The following EPB41L5 variants were observed in gnomAD, a reference collection of about 807,000 sequenced individuals.
EPB41L5 encodes erythrocyte membrane protein band 4.1 like 5, also known as band 4.1-like protein 5.
In EPB41L5, 55 loss-of-function variants were observed where a neutral mutation model predicts 106.6. That is an observed-to-expected ratio of 0.52 (90% confidence interval 0.42 to 0.65). The LOEUF is 0.65. Ranked by LOEUF, EPB41L5 falls within the 30% of genes least tolerant of loss-of-function variation. The pLI is 0.00. For synonymous variants in EPB41L5, 297 were observed against 306.7 expected, an observed-to-expected ratio of 0.97 and a Z score of 0.33; for missense variants, 871 against 882.1, an observed-to-expected ratio of 0.99 and a Z score of 0.16.
rs866792669 is a variant in EPB41L5 at position 120,110,871 on chromosome 2, A to G, written c.1337+10057A>G. Among the ~76,000 whole-genome samples the G allele has an allele frequency of 4.6e-5, 7 of 152,054 alleles. No homozygotes were observed. The East Asian group carries it at 1.2e-3, about 25-fold the overall frequency. ...GGCTGGTCTCAAACCCCTGGCCTCA[A>G]ATGATCCTGATCTGCCCGCCTTGGC... On this transcript the variant is annotated intron_variant, in intron 16 of 24. Transcript: ENST00000263713.
chr2:120,090,409 A>G lies in EPB41L5; in HGVS notation c.936A>G (p.Leu312=). 6.2e-7 allele frequency: 1 copy of G among 1,613,686 alleles called. No individual in the cohort carries two copies. The highest frequency in any genetic ancestry group is 8.5e-7 in the Non-Finnish European group (1 of 1,179,786). The change falls in exon 12 of 25, where the codon TTA becomes TTG. Residue 312 remains leucine (L), a synonymous_variant. Coordinates refer to ENST00000263713, the MANE Select transcript of EPB41L5 (RefSeq NM_020909.4). ...ATCATCCAAAAGCATGCAAACATTT[A>G]TGGAAATGTGCTGTGGAGCATCATG... ...RLDHPKACKH[L]WKCAVEHHAF... is the part of the protein sequence containing the mutation.
intron 16 of EPB41L5, chr2:120,106,800 T>C: frequency 1.0e-6 from 1 of 985,376 alleles, no homozygotes; most frequent in South Asian, 4.7e-5. Context: ...TTTGTTGCGT[T>C]TCAAAGGCGT....
At chr2:120,024,127 A>G (rs1276533654) in intron 2 of EPB41L5, among the ~76,000 whole-genome samples, 5 of 152,158 alleles carry the variant, frequency 3.3e-5, no homozygotes, top group Non-Finnish European at 5.9e-5. Context: ...CTGCAAACAG[A>G]GGCAATTTGA....
chr2:120,074,276 T>A, intron 5 of EPB41L5, 98 bp downstream of exon 5: 1 of 862,824 alleles, frequency 1.2e-6, no homozygotes, highest in Non-Finnish European at 1.8e-6. Flanking sequence ...ATAAAATGGA[T>A]TCCTGTCCCC....
At chr2:120,142,463 C>G (rs1193179074) in intron 18 of EPB41L5, among the ~76,000 whole-genome samples, 2 of 152,142 alleles carry the variant, frequency 1.3e-5, no homozygotes, top group Non-Finnish European at 2.9e-5. Context: ...CAACTGCATT[C>G]AGCGAGGACA....
intron 17 of EPB41L5, among the ~76,000 whole-genome samples, chr2:120,130,709 G>A (rs1280912912): frequency 6.6e-6 from 1 of 152,176 alleles, no homozygotes; most frequent in Admixed American, 6.5e-5. Flanking sequence ...AAAAGATTTT[G>A]TTATAATTAT....
chr2:120,169,042 A>T (rs1454993153), intron 24 of EPB41L5, among the ~76,000 whole-genome samples: 4 of 152,314 alleles, frequency 2.6e-5, no homozygotes, highest in Admixed American at 1.3e-4. Context: ...GCTCTTAAGG[A>T]CTTTCACATT....
intron 3 of EPB41L5, among the ~76,000 whole-genome samples, chr2:120,048,158 A>T (rs1447642132): frequency 6.6e-6 from 1 of 152,186 alleles, no homozygotes; most frequent in East Asian, 1.9e-4. Flanking sequence ...TGGTATCAGG[A>T]TGATGCTGGC....
intron 3 of EPB41L5, among the ~76,000 whole-genome samples, chr2:120,065,684 T>G (rs1441607723): frequency 6.6e-6 from 1 of 151,876 alleles, no homozygotes; most frequent in Non-Finnish European, 1.5e-5. Flanking sequence ...GCCCAGCTAA[T>G]TTTTGTATTT....
At position 120,075,494 on chromosome 2, in the gene EPB41L5, G is replaced by A; in HGVS notation, c.426G>A (p.Gln142=). 1 of 1,578,226 alleles carries A rather than the reference G, an allele frequency of 6.3e-7. No individual in the cohort carries two copies. ...TTCTTAGGTATTTATTTGTTCTTCA[G>A]TTAAAACAAGATATTCTCAGTGGAA... ...EELTRYLFVL[Q]LKQDILSGKL... The change falls in exon 6 of 25, where the codon CAG becomes CAA. Residue 142 remains glutamine (Q), a synonymous_variant. Coordinates refer to ENST00000263713, the MANE Select transcript of EPB41L5 (RefSeq NM_020909.4).
At position 120,177,980 on chromosome 2, in the gene EPB41L5, C is replaced by T. The variant is rs1049650358; in HGVS notation, c.*3073C>T. On this transcript the variant is annotated 3_prime_UTR_variant, in exon 25 of 25. Coordinates refer to ENST00000263713, the MANE Select transcript of EPB41L5 (RefSeq NM_020909.4). ...AAGTCTTGTTAGCAGAATTATTTATCAGTCACAGAGAGAAAAATCTGCTAT... is the reference window on the plus strand; with the variant it reads ...AAGTCTTGTTAGCAGAATTATTTATTAGTCACAGAGAGAAAAATCTGCTAT... 2 of 152,408 alleles carry T rather than the reference C, an allele frequency of 1.3e-5. No homozygotes were observed. Among genetic ancestry groups the T allele is most frequent in the African/African-American group, 4.8e-5 (2 of 41,450 alleles). The allele number at this position is 152,408 out of a possible 1,614,324, so 9.4% of individuals were successfully genotyped here.
intron 3 of EPB41L5, among the ~76,000 whole-genome samples, chr2:120,048,279 C>A (rs187834331): frequency 2.0e-5 from 3 of 152,064 alleles, no homozygotes; most frequent in Non-Finnish European, 4.4e-5. Context: ...GCTGTGAATC[C>A]GTCTGGTCCT....
At chr2:120,166,174 G>T (rs1687397558) in intron 22 of EPB41L5, among the ~76,000 whole-genome samples, 1 of 151,948 alleles carries the variant, frequency 6.6e-6, no homozygotes, top group Non-Finnish European at 1.5e-5. Flanking sequence ...AGATTGCTGG[G>T]CCCCACCTCC....
At position 120,048,641 on chromosome 2, in the gene EPB41L5, CTT is replaced by C. The variant is rs542087463; in HGVS notation, c.285+6533_285+6534del. On this transcript the variant is annotated intron_variant, in intron 3 of 24. Coordinates refer to ENST00000263713, the MANE Select transcript of EPB41L5 (RefSeq NM_020909.4). ...GATTTTTTTGAAGGGTTTTTTGTGT[CTT>C]TATCTCCTTCAGTTCTGCTCTGATC... Among the ~76,000 whole-genome samples the C allele has an allele frequency of 4.7e-4, 71 of 151,424 alleles. 1 individual carries two copies. In the East Asian group the frequency reaches 0.014, roughly 29 times the overall value.
At chr2:120,061,653 A>G (rs190400026) in intron 3 of EPB41L5, among the ~76,000 whole-genome samples, 1,622 of 152,258 alleles carry the variant, frequency 0.011, 13 homozygotes, top group Middle Eastern at 0.027. Context: ...CACCCGGCCT[A>G]TTCAGTGAAG....
intron 14 of EPB41L5, among the ~76,000 whole-genome samples, chr2:120,097,625 A>G (rs907914629): frequency 2.0e-5 from 3 of 152,230 alleles, no homozygotes; most frequent in Non-Finnish European, 4.4e-5. Flanking sequence ...TACAGGCTTA[A>G]TATGCAGTCT....
intron 20 of EPB41L5, among the ~76,000 whole-genome samples, chr2:120,153,986 T>C (rs1003689966): frequency 1.3e-5 from 2 of 152,212 alleles, no homozygotes; most frequent in African/African-American, 2.4e-5. Flanking sequence ...TCCACTTACA[T>C]CTAAAGTGAT....
At chr2:120,154,147 A>G (rs2105520117) in intron 20 of EPB41L5, among the ~76,000 whole-genome samples, 1 of 139,580 alleles carries the variant, frequency 7.2e-6, no homozygotes, top group South Asian at 2.2e-4. Context: ...TTCCTTCCCT[A>G]TATGTATTTA....
chr2:120,151,278 C>T (rs11123545), intron 20 of EPB41L5, among the ~76,000 whole-genome samples: 96,549 of 151,670 alleles, frequency 0.64, 32,064 homozygotes, highest in Middle Eastern at 0.74. Flanking sequence ...CCAGCCTGGG[C>T]GACGGAGCGA....
Sources: gnomAD v4.1 joint callset for allele counts (sites outside exome capture counted in the v4.1 genomes callset) on GRCh38, gnomAD v4.1.1 for gene constraint, MANE v1.5 for transcripts, NCBI Gene and HGNC (gene_info 2026-07-23, HGNC 2026-07-21) for gene names.